Variants in CRTC3 observed in about 807,000 individuals in gnomAD.
CRTC3 encodes the protein CREB-regulated transcription coactivator 3.
A neutral mutation model predicts 74.5 loss-of-function variants in CRTC3; 26 were observed. The observed-to-expected ratio is 0.35, with a 90% CI of 0.26 to 0.48. CRTC3 has a LOEUF of 0.48. CRTC3 is among the 20% of genes least tolerant of loss of function. CRTC3 has a pLI of 0.99. For missense variants in CRTC3, 760 were observed against 787.3 expected (o/e 0.97, Z 0.41); for synonymous variants, 377 against 325.8 (o/e 1.16, Z -1.69).
chr15:90,640,432 T>A (rs1969397742), intron 13 of CRTC3, among the ~76,000 whole-genome samples: 1 of 152,108 alleles, frequency 6.6e-6, no homozygotes, highest in Non-Finnish European at 1.5e-5. Context: ...ACACCCATAA[T>A]CCCAGCACTT....
chr15:90,552,797 A>G (rs745830025), intron 2 of CRTC3, among the ~76,000 whole-genome samples: 2 of 152,210 alleles, frequency 1.3e-5, no homozygotes, highest in South Asian at 4.1e-4. Flanking sequence ...ACTGGGGTGT[A>G]AAGAAAACTG....
intron 6 of CRTC3, among the ~76,000 whole-genome samples, chr15:90,607,932 C>G (rs1048675850): frequency 6.6e-6 from 1 of 152,174 alleles, no homozygotes; most frequent in Non-Finnish European, 1.5e-5. Flanking sequence ...GTGACTGTCT[C>G]TGTAGGTTGG....
chr15:90,580,517 T>A (rs1967513931), intron 2 of CRTC3, among the ~76,000 whole-genome samples: 1 of 151,672 alleles, frequency 6.6e-6, no homozygotes, highest in African/African-American at 2.4e-5. Context: ...CACCTCTGCC[T>A]CCTGGGTTCA....
chr15:90,585,115 G>A (rs1295457788), intron 2 of CRTC3, among the ~76,000 whole-genome samples: 1 of 152,182 alleles, frequency 6.6e-6, no homozygotes, highest in Non-Finnish European at 1.5e-5. Flanking sequence ...TTAGAAGAAT[G>A]TAATACAATT....
At position 90,638,748 on chromosome 15, in the gene CRTC3, C is replaced by T; in HGVS notation, c.1481C>T (p.Thr494Ile). ...TATTCCCTGAAGGGCTCATCTTTGA[C>T]CAACTTCTTCCCAGATGTGGGTTTT... ...QLLPAQGSSL[T>I]NFFPDVGFDQ... Residue 494 changes from threonine to isoleucine, a missense_variant, in exon 13 of 15, where the codon ACC (threonine) becomes ATC (isoleucine). Physicochemically the swap from Thr to Ile is moderately conservative, Grantham distance 89. Around this residue, in one of 2 missense-constraint regions of CRTC3, gnomAD observed 652 missense variants for 635.2 expected, o/e 1.03. Transcript: ENST00000268184. The T allele has an allele frequency of 6.2e-7, 1 of 1,614,154 alleles. No individual in the cohort carries two copies. Among genetic ancestry groups the T allele is most frequent in the South Asian group, 1.1e-5 (1 of 91,088 alleles).
At chr15:90,630,256 G>GAA (rs1968989007) in intron 11 of CRTC3, among the ~76,000 whole-genome samples, 4 of 152,190 alleles carry the variant, frequency 2.6e-5, no homozygotes, top group Admixed American at 2.6e-4. Flanking sequence ...AGCCATAGGG[G>GAA]AAAGCCAAAG....
chr15:90,591,035 G>T (rs906102787), intron 2 of CRTC3, among the ~76,000 whole-genome samples: 3 of 152,022 alleles, frequency 2.0e-5, no homozygotes, highest in African/African-American at 7.3e-5. Context: ...GTTCACTGCA[G>T]CCTCGAACAC....
Position 90,540,056 on chromosome 15 carries a change from T to C in CRTC3, c.150T>C (p.Leu50=). The C allele has an allele frequency of 6.2e-7, 1 of 1,613,566 alleles. No homozygotes were observed. The highest frequency in any genetic ancestry group is 8.5e-7 in the Non-Finnish European group (1 of 1,179,740). The change falls in exon 2 of 15, where the codon CTT becomes CTC. Residue 50 remains leucine (L), a synonymous_variant. Coordinates refer to ENST00000268184, the MANE Select transcript of CRTC3 (RefSeq NM_022769.5). ...LTLSRVQFQK[L]QQLRLTQYHG... ...GTTTCCAGGTTCAATTTCAGAAGCT[T>C]CAGCAACTGCGCCTTACACAGTACC...
At position 90,530,259 on chromosome 15, in the gene CRTC3, G is replaced by T; in HGVS notation, c.132+56G>T. On this transcript the variant is annotated intron_variant, in intron 1 of 14. Transcript: ENST00000268184. The surrounding 1 kb of genome is among the most constrained non-coding windows in gnomAD (Gnocchi z 6.2). ...GGCCACGGCCGCGGGCGGGACCCGC[G>T]CGGCGGGTGAGAGGTTGCGGGGCCA... The T allele has an allele frequency of 9.9e-7, 1 of 1,007,634 alleles. No individual in the cohort carries two copies. 62.4% of individuals were successfully genotyped at this position (1,007,634 alleles called of 1,614,324 possible). A position where few individuals can be genotyped will look rare whatever the true frequency, so the allele number is the denominator to read the frequency against.
In CRTC3 at chr15:90,530,312, G is replaced by C; in HGVS notation, c.132+109G>C. ...GCGATGGCGGGGCCGGGCGGGGGCC[G>C]CGCCCGGGAACCGGCGGCTGGGAGG... On this transcript the variant is annotated intron_variant, in intron 1 of 14. Coordinates refer to ENST00000268184, the MANE Select transcript of CRTC3 (RefSeq NM_022769.5). This position sits in a 1 kb window ranked among gnomAD's most constrained non-coding sequence, Gnocchi z 6.2. 2 of 643,490 alleles carry C rather than the reference G, an allele frequency of 3.1e-6. No homozygotes were observed. Among genetic ancestry groups the C allele is most frequent in the Non-Finnish European group, 3.9e-6 (2 of 517,236 alleles). The allele number at this position is 643,490 out of a possible 1,614,324, so 39.9% of individuals were successfully genotyped here.
intron 6 of CRTC3, among the ~76,000 whole-genome samples, chr15:90,612,016 A>C (rs1164699435): frequency 8.7e-4 from 93 of 106,414 alleles, no homozygotes; most frequent in South Asian, 2.0e-3. Context: ...TCCTTCCCCA[A>C]CCACCCCCCA....
chr15:90,585,668 T>A (rs1439611736), intron 2 of CRTC3, among the ~76,000 whole-genome samples: 1 of 152,218 alleles, frequency 6.6e-6, no homozygotes, highest in Non-Finnish European at 1.5e-5. Context: ...TCTCTGTACC[T>A]TGGTTTCCCA....
At chr15:90,628,946 C>G (rs1968936409) in intron 10 of CRTC3, among the ~76,000 whole-genome samples, 1 of 152,152 alleles carries the variant, frequency 6.6e-6, no homozygotes, top group Admixed American at 6.5e-5. Flanking sequence ...ATATTTGCCT[C>G]TGTTACCCCG....
chr15:90,540,429 T>C (rs985755019), intron 2 of CRTC3, among the ~76,000 whole-genome samples: 10 of 152,220 alleles, frequency 6.6e-5, no homozygotes, highest in African/African-American at 2.2e-4. Context: ...AATTTTAATA[T>C]CTATATTTTT....
At chr15:90,546,883 A>G (rs1389412886) in intron 2 of CRTC3, among the ~76,000 whole-genome samples, 1 of 152,170 alleles carries the variant, frequency 6.6e-6, no homozygotes. Context: ...TCGGCCTCCC[A>G]GAGTGCTGGG....
chr15:90,642,035 G>A lies in CRTC3; in HGVS notation c.1755G>A (p.Leu585=), dbSNP rs1421351019. The change falls in exon 15 of 15, where the codon CTG becomes CTA. Residue 585 remains leucine (L), a synonymous_variant. Coordinates refer to ENST00000268184, the MANE Select transcript of CRTC3 (RefSeq NM_022769.5). ...VDTPFPLEEE[L]QIEPLSLDGL... ...CTCCATTTCCACTGGAAGAGGAGCT[G>A]CAGATTGAACCCCTGAGCCTGGACG... 1 of 1,613,846 alleles carries A rather than the reference G, an allele frequency of 6.2e-7. No homozygotes were observed. The highest frequency in any genetic ancestry group is 8.5e-7 in the Non-Finnish European group (1 of 1,180,004).
At chr15:90,576,790 G>A (rs1315743996) in intron 2 of CRTC3, among the ~76,000 whole-genome samples, 3 of 152,174 alleles carry the variant, frequency 2.0e-5, no homozygotes, top group Non-Finnish European at 4.4e-5. Flanking sequence ...ATTTAGTAGC[G>A]TGCAAAGTCT....
At chr15:90,617,125 T>C (rs1177476134) in intron 7 of CRTC3, among the ~76,000 whole-genome samples, 1 of 152,134 alleles carries the variant, frequency 6.6e-6, no homozygotes, top group Non-Finnish European at 1.5e-5. Flanking sequence ...GCTCCACTCT[T>C]ACCTTCCCCT....
chr15:90,591,120 AT>A (rs11380695), intron 2 of CRTC3, among the ~76,000 whole-genome samples: 29 of 145,526 alleles, frequency 2.0e-4, no homozygotes, highest in Middle Eastern at 3.6e-3. Context: ...ACGCCCCACT[AT>A]TTTTTTTTTT....
Sources: allele counts gnomAD v4.1 joint callset (sites outside exome capture counted in the v4.1 genomes callset), GRCh38; gene constraint gnomAD v4.1.1; regional missense constraint gnomAD v4.1.1; non-coding constraint Gnocchi (gnomAD v3.1); transcripts MANE v1.5; gene names NCBI Gene and HGNC (gene_info 2026-07-23, HGNC 2026-07-21).